Variants in NFIX observed in about 807,000 individuals in gnomAD.
NFIX encodes nuclear factor 1 X-type.
In NFIX, 2 loss-of-function variants were observed where a neutral mutation model predicts 53.3. The observed-to-expected ratio is 0.04, with a 90% CI of 0.02 to 0.12. The LOEUF (loss-of-function observed/expected upper bound fraction) is 0.12, where lower values mean the gene tolerates loss of function less well. Among genes scored for constraint, NFIX ranks in the 10% least tolerant of loss-of-function variants. The probability of loss-of-function intolerance (pLI) is 1.00; values close to 1 mark genes in which losing one functional copy is unlikely to be tolerated. For missense variants in NFIX, 310 were observed against 674.5 expected (o/e 0.46, Z 5.99); for synonymous variants, 244 against 289.0 (o/e 0.84, Z 1.58).
chr19:13,009,458 A>G lies in NFIX; in HGVS notation c.27+13594A>G, dbSNP rs918428343. 2.6e-5 allele frequency among the ~76,000 whole-genome samples: 4 copies of G among 152,142 alleles called. No homozygotes were observed. In the East Asian group the frequency reaches 7.7e-4, roughly 29 times the overall value. ...GGCTAGAAGCAGGGTGGTGGGGATTACCCAGCCAGATTCCCAGGAGTGAGC... is the reference window on the plus strand; with the variant it reads ...GGCTAGAAGCAGGGTGGTGGGGATTGCCCAGCCAGATTCCCAGGAGTGAGC... On this transcript the variant is annotated intron_variant, in intron 1 of 10. Coordinates refer to ENST00000592199, the MANE Select transcript of NFIX (RefSeq NM_001365902.3). This position sits in a 1 kb window ranked among gnomAD's most constrained non-coding sequence, Gnocchi z 4.7.
intron 2 of NFIX, among the ~76,000 whole-genome samples, chr19:13,054,169 G>A (rs1418918414): frequency 6.6e-6 from 1 of 152,216 alleles, no homozygotes; most frequent in Admixed American, 6.5e-5. Flanking sequence ...TCTGGACAGA[G>A]AAGGGAAACT....
chr19:13,068,043 T>C lies in NFIX; in HGVS notation c.560-5004T>C, dbSNP rs775944165. ...TGGCGTGAACCCAGGAGGTGGGGCTTGCAGTGAGCCGAGATCGCACCACTG... is the reference window on the plus strand; with the variant it reads ...TGGCGTGAACCCAGGAGGTGGGGCTCGCAGTGAGCCGAGATCGCACCACTG... On this transcript the variant is annotated intron_variant, in intron 2 of 10. Coordinates refer to ENST00000592199, the MANE Select transcript of NFIX (RefSeq NM_001365902.3). This position sits in a 1 kb window ranked among gnomAD's most constrained non-coding sequence, Gnocchi z 4.2. 6.1e-4 allele frequency among the ~76,000 whole-genome samples: 93 copies of C among 151,502 alleles called. 2 individuals carry two copies. Among genetic ancestry groups the C allele is most frequent in the Non-Finnish European group, 8.0e-4 (54 of 67,882 alleles).
rs1555703646 is a variant in NFIX, at chr19:13,067,485, T to TGTGTGTGC, written c.560-5555_560-5554insCGTGTGTG. On this transcript the variant is annotated intron_variant, in intron 2 of 10. Coordinates refer to ENST00000592199, the MANE Select transcript of NFIX (RefSeq NM_001365902.3). The surrounding 1 kb of genome is among the most constrained non-coding windows in gnomAD (Gnocchi z 4.2). ...GCGCGTGTGTGTGTGTGTGTGTGCGTGTGTGTGTGTGTGTGTGTGTATGTG... is the reference window on the plus strand; with the variant it reads ...GCGCGTGTGTGTGTGTGTGTGTGCGTGTGTGTGCGTGTGTGTGTGTGTGTGTGTATGTG... 3.7e-5 allele frequency among the ~76,000 whole-genome samples: 1 copy of TGTGTGTGC among 26,672 alleles called. No homozygotes were observed. The highest frequency in any genetic ancestry group is 3.9e-4 in the Admixed American group (1 of 2,544). The allele number at this position is 26,672 out of a possible 152,430, so 17.5% of individuals were successfully genotyped here.
Position 13,011,412 on chromosome 19 carries a change from G to T in NFIX, c.28-13609G>T, listed in dbSNP as rs1446444837. On this transcript the variant is annotated intron_variant, in intron 1 of 10. Coordinates refer to ENST00000592199, the MANE Select transcript of NFIX (RefSeq NM_001365902.3). This position sits in a 1 kb window ranked among gnomAD's most constrained non-coding sequence, Gnocchi z 6.5. ...TTCCACTTGCCCCCGAGTCCAGCTC[G>T]GGCCGCACGCTACCCGCCCTCCAGG... Among the ~76,000 whole-genome samples, 1 of 152,176 alleles carries T rather than the reference G, an allele frequency of 6.6e-6. No individual in the cohort carries two copies. The highest frequency in any genetic ancestry group is 1.5e-5 in the Non-Finnish European group (1 of 68,020).
rs77261107 is a variant in NFIX at position 13,010,913 on chromosome 19, C to T, written c.28-14108C>T. On this transcript the variant is annotated intron_variant, in intron 1 of 10. Transcript: ENST00000592199. Reference sequence around the variant, plus strand: ...CGCCTCCCCATATGTCCCTGGGGCACAGGTGGGACATCCCAGAACTGCCGC... The same window carrying T: ...CGCCTCCCCATATGTCCCTGGGGCATAGGTGGGACATCCCAGAACTGCCGC... Among the ~76,000 whole-genome samples the T allele has an allele frequency of 4.9e-3, 748 of 152,354 alleles. 8 individuals carry two copies. Among genetic ancestry groups the T allele is most frequent in the African/African-American group, 0.017 (723 of 41,576 alleles).
At chr19:13,039,403 C>G (rs2014457478) in intron 2 of NFIX, among the ~76,000 whole-genome samples, 1 of 152,144 alleles carries the variant, frequency 6.6e-6, no homozygotes, top group African/African-American at 2.4e-5. Context: ...CAGATGCCAG[C>G]CTGGCTTGGC....
intron 2 of NFIX, among the ~76,000 whole-genome samples, chr19:13,065,641 C>T (rs1490931524): frequency 1.3e-5 from 2 of 152,090 alleles, no homozygotes; most frequent in Non-Finnish European, 2.9e-5. Flanking sequence ...TGTTGTGCAC[C>T]AGGGGCATAT....
At position 13,059,205 on chromosome 19, in the gene NFIX, T is replaced by G. The variant is rs2015900703; in HGVS notation, c.560-13842T>G. Among the ~76,000 whole-genome samples, 5 of 152,358 alleles carry G rather than the reference T, an allele frequency of 3.3e-5. No homozygotes were observed. In the South Asian group the frequency reaches 1.0e-3, roughly 32 times the overall value. The stretch of plus-strand genomic sequence containing the variant: ...TTGGCAGGACATTGTGTATCTGAGC[T>G]GCAGCCTCTTGCAGCCGTTTCAAGG... On this transcript the variant is annotated intron_variant, in intron 2 of 10. Coordinates refer to ENST00000592199, the MANE Select transcript of NFIX (RefSeq NM_001365902.3).
At chr19:13,061,980 A>G (rs2016120064) in intron 2 of NFIX, among the ~76,000 whole-genome samples, 1 of 152,004 alleles carries the variant, frequency 6.6e-6, no homozygotes, top group Non-Finnish European at 1.5e-5. Context: ...GTCCTATTCA[A>G]CCCATCCCTG....
At chr19:13,054,182 C>CAGG (rs2015504310) in intron 2 of NFIX, among the ~76,000 whole-genome samples, 1 of 152,222 alleles carries the variant, frequency 6.6e-6, no homozygotes, top group Non-Finnish European at 1.5e-5. Context: ...GGGAAACTCC[C>CAGG]AGGAGCTTGG....
Position 13,097,614 on chromosome 19 carries a change from C to T in NFIX, c.*2965C>T, listed in dbSNP as rs2018536416. On this transcript the variant is annotated 3_prime_UTR_variant, in exon 11 of 11. Coordinates refer to ENST00000592199, the MANE Select transcript of NFIX (RefSeq NM_001365902.3). ...GGCGCCCCTCCCTGGGGCCCAGCAC[C>T]CCTCCTCGCCCCATCCCCGTCCGGG... 6.6e-6 allele frequency: 1 copy of T among 151,662 alleles called. No homozygotes were observed. Among genetic ancestry groups the T allele is most frequent in the Non-Finnish European group, 1.5e-5 (1 of 67,760 alleles). 9.4% of individuals were successfully genotyped at this position (151,662 alleles called of 1,614,324 possible).
At chr19:13,018,136 T>C (rs1404267160) in intron 1 of NFIX, among the ~76,000 whole-genome samples, 1 of 152,156 alleles carries the variant, frequency 6.6e-6, no homozygotes, top group East Asian at 1.9e-4. Flanking sequence ...GAGATGAAAG[T>C]AAACAATTTC....
chr19:13,055,407 C>T (rs937422097), intron 2 of NFIX, among the ~76,000 whole-genome samples: 2 of 152,206 alleles, frequency 1.3e-5, no homozygotes, highest in Non-Finnish European at 2.9e-5. Flanking sequence ...ATCCGGGGGC[C>T]CCGCCAGGGA....
rs1441328750 is a variant in NFIX at position 13,005,302 on chromosome 19, T to C, written c.27+9438T>C. Among the ~76,000 whole-genome samples, 1 of 152,250 alleles carries C rather than the reference T, an allele frequency of 6.6e-6. No homozygotes were observed. Among genetic ancestry groups the C allele is most frequent in the East Asian group, 1.9e-4 (1 of 5,202 alleles). ...TCGTAGCAACAGCTAATGTGAACTG[T>C]GTGCTTGCTGCGTTGCACCCTTGCT... On this transcript the variant is annotated intron_variant, in intron 1 of 10. Transcript: ENST00000592199. This position sits in a 1 kb window ranked among gnomAD's most constrained non-coding sequence, Gnocchi z 4.7.
rs969925979 is a variant in NFIX, at chr19:13,056,624, GCCCAGTGCCTACACCCGAGGCCAGGGAA to G, written c.560-16417_560-16390del. On this transcript the variant is annotated intron_variant, in intron 2 of 10. Transcript: ENST00000592199. The stretch of plus-strand genomic sequence containing the variant: ...CTCTTGCCTGTCCTTCCACTCGGGA[GCCCAGTGCCTACACCCGAGGCCAGGGAA>G]CCCAGGGGTGAAAACCTGGCTTAGC... 7.2e-5 allele frequency among the ~76,000 whole-genome samples: 11 copies of G among 152,194 alleles called. 1 individual carries two copies. Among genetic ancestry groups the G allele is most frequent in the Non-Finnish European group, 1.3e-4 (9 of 68,020 alleles).
At position 13,036,721 on chromosome 19, in the gene NFIX, G is replaced by T. The variant is rs1030787120; in HGVS notation, c.559+11169G>T. Among the ~76,000 whole-genome samples, 1 of 152,144 alleles carries T rather than the reference G, an allele frequency of 6.6e-6. No individual in the cohort carries two copies. Among genetic ancestry groups the T allele is most frequent in the African/African-American group, 2.4e-5 (1 of 41,410 alleles). ...AACAGGTGGCCCAGAATACAGACAG[G>T]GGGTGTAATAAGTGTATATCCTCTG... On this transcript the variant is annotated intron_variant, in intron 2 of 10. Coordinates refer to ENST00000592199, the MANE Select transcript of NFIX (RefSeq NM_001365902.3). The surrounding 1 kb of genome is among the most constrained non-coding windows in gnomAD (Gnocchi z 4.7).
intron 8 of NFIX, among the ~76,000 whole-genome samples, chr19:13,083,386 C>A (rs2017587790): frequency 1.3e-5 from 2 of 152,148 alleles, no homozygotes; most frequent in Admixed American, 1.3e-4. Flanking sequence ...GGCCTAGAGA[C>A]CGGCCAAGGT....
In NFIX at chr19:13,049,909, AAAT is replaced by A. The variant is rs1454547349; in HGVS notation, c.560-23133_560-23131del. Among the ~76,000 whole-genome samples, 1 of 152,214 alleles carries A rather than the reference AAAT, an allele frequency of 6.6e-6. No individual in the cohort carries two copies. The highest frequency in any genetic ancestry group is 1.9e-4 in the East Asian group (1 of 5,192). On this transcript the variant is annotated intron_variant, in intron 2 of 10. Transcript: ENST00000592199. The surrounding 1 kb of genome is among the most constrained non-coding windows in gnomAD (Gnocchi z 4.5). ...ACCCGGCCAGTTCCTTTTTAAGGCC[AAAT>A]AATATTTAATTGTATGGCTGTGCCA...
rs193208691 is a variant in NFIX at position 13,061,806 on chromosome 19, A to C, written c.560-11241A>C. Among the ~76,000 whole-genome samples the C allele has an allele frequency of 2.8e-3, 433 of 152,286 alleles. 11 individuals carry two copies. Among genetic ancestry groups the C allele is most frequent in the Admixed American group, 0.027 (414 of 15,290 alleles). On this transcript the variant is annotated intron_variant, in intron 2 of 10. Transcript: ENST00000592199. Reference sequence around the variant, plus strand: ...TCAAAGTTAAAATATGTTAAAAAAAAATCTGTAAAAATCCCCACTCACATC... The same window carrying C: ...TCAAAGTTAAAATATGTTAAAAAAACATCTGTAAAAATCCCCACTCACATC...
Sources: allele counts gnomAD v4.1 joint callset (sites outside exome capture counted in the v4.1 genomes callset), GRCh38; gene constraint gnomAD v4.1.1; non-coding constraint Gnocchi (gnomAD v3.1); transcripts MANE v1.5; gene names NCBI Gene and HGNC (gene_info 2026-07-23, HGNC 2026-07-21).